DYM: variants seen among roughly 807,000 people sequenced by gnomAD.
DYM encodes dyggve-Melchior-Clausen syndrome protein.
In DYM, 78 loss-of-function variants were observed where a neutral mutation model predicts 93.1. The ratio of observed to expected loss-of-function variants is 0.84; its 90% CI spans 0.70 to 1.01. DYM has a LOEUF of 1.01. DYM is among the 50% of genes least tolerant of loss of function. The pLI is 0.00. For synonymous variants in DYM, 321 were observed against 319.7 expected, an observed-to-expected ratio of 1.00 and a Z score of -0.04; for missense variants, 789 against 845.0, an observed-to-expected ratio of 0.93 and a Z score of 0.82.
intron 14 of DYM, among the ~76,000 whole-genome samples, chr18:49,166,399 T>C (rs191212153): frequency 9.7e-4 from 147 of 152,330 alleles, no homozygotes; most frequent in Middle Eastern, 6.8e-3. Flanking sequence ...TATTAATCAC[T>C]CACTGCAATT....
At chr18:49,186,903 T>C (rs2090485561) in intron 14 of DYM, among the ~76,000 whole-genome samples, 1 of 150,576 alleles carries the variant, frequency 6.6e-6, no homozygotes, top group African/African-American at 2.4e-5. Flanking sequence ...ATATATTCAC[T>C]GCCGGTACAC....
intron 15 of DYM, among the ~76,000 whole-genome samples, chr18:49,126,964 T>C (rs1254985080): frequency 1.3e-5 from 2 of 152,214 alleles, no homozygotes; most frequent in Non-Finnish European, 2.9e-5. Context: ...CTGACTTGCA[T>C]TTATGAAATA....
At chr18:49,075,071 A>T (rs1361855687) in intron 17 of DYM, among the ~76,000 whole-genome samples, 1 of 152,170 alleles carries the variant, frequency 6.6e-6, no homozygotes, top group Non-Finnish European at 1.5e-5. Context: ...CAGAATCAGG[A>T]GGCCAGGAAA....
Position 49,077,326 on chromosome 18 carries a change from T to A in DYM, c.2025+20076A>T, listed in dbSNP as rs557411563. Among the ~76,000 whole-genome samples, 14 of 152,350 alleles carry A rather than the reference T, an allele frequency of 9.2e-5. No individual in the cohort carries two copies. In the East Asian group the frequency reaches 2.5e-3, roughly 27 times the overall value. ...CTGCTTTCTCTCTCAGTTTTGCCTT[T>A]TCTAGCTTTTATTGATTTCATCAAT... On this transcript the variant is annotated intron_variant, in intron 17 of 17. Transcript: ENST00000675505.
At chr18:49,352,533 T>C (rs2065199760) in intron 6 of DYM, among the ~76,000 whole-genome samples, 1 of 152,148 alleles carries the variant, frequency 6.6e-6, no homozygotes. Flanking sequence ...GGAGTTGGGA[T>C]ACAGACTGAC....
chr18:49,222,177 C>T (rs1161581019), intron 13 of DYM, among the ~76,000 whole-genome samples: 11 of 151,770 alleles, frequency 7.2e-5, no homozygotes, highest in African/African-American at 1.9e-4. Flanking sequence ...TACACATACA[C>T]GGAACAGAAT....
chr18:49,407,313 A>G (rs1241354356), intron 2 of DYM, among the ~76,000 whole-genome samples: 3 of 152,198 alleles, frequency 2.0e-5, no homozygotes, highest in Non-Finnish European at 4.4e-5. Flanking sequence ...AAACACATAA[A>G]TGAATGCACG....
chr18:49,446,773 G>C (rs780125376), intron 1 of DYM, among the ~76,000 whole-genome samples: 3 of 151,940 alleles, frequency 2.0e-5, no homozygotes, highest in East Asian at 1.9e-4. Flanking sequence ...TAAAAGTTAA[G>C]ACCAGCTGGG....
intron 13 of DYM, among the ~76,000 whole-genome samples, chr18:49,234,791 G>C (rs2093811440): frequency 6.6e-6 from 1 of 152,196 alleles, no homozygotes; most frequent in Non-Finnish European, 1.5e-5. Flanking sequence ...CTAATCATAT[G>C]ATCCCTTAAA....
At chr18:49,070,235 T>G (rs1416054737) in intron 17 of DYM, among the ~76,000 whole-genome samples, 1 of 152,230 alleles carries the variant, frequency 6.6e-6, no homozygotes, top group African/African-American at 2.4e-5. Flanking sequence ...TAACATTGGC[T>G]AACAGTTACT....
rs1412456428 is a variant in DYM at position 49,038,314 on chromosome 18, T to G, written c.*5741A>C. Among the ~76,000 whole-genome samples, 1 of 152,254 alleles carries G rather than the reference T, an allele frequency of 6.6e-6. No homozygotes were observed. Among genetic ancestry groups the G allele is most frequent in the African/African-American group, 2.4e-5 (1 of 41,472 alleles). ...AAATAGGCATGTTAAAATATCACTCTGGTTGCATATTTGTCTAAATTTCCT... is the reference window on the plus strand; with the variant it reads ...AAATAGGCATGTTAAAATATCACTCGGGTTGCATATTTGTCTAAATTTCCT... On this transcript the variant is annotated 3_prime_UTR_variant, in exon 18 of 18. Coordinates refer to ENST00000675505, the MANE Select transcript of DYM (RefSeq NM_001353214.3).
chr18:49,042,301 TCACCTCTGGGACCC>T lies in DYM; in HGVS notation c.*1740_*1753del, dbSNP rs1453163637. ...CTTGGGGACAGGAGGCAAGCTGCACTCACCTCTGGGACCCCACCCGGGATGGGCGCTCCACGAGT... is the reference window on the plus strand; with the variant it reads ...CTTGGGGACAGGAGGCAAGCTGCACTCACCCGGGATGGGCGCTCCACGAGT... On this transcript the variant is annotated 3_prime_UTR_variant, in exon 18 of 18. Transcript: ENST00000675505. 1 of 152,746 alleles carries T rather than the reference TCACCTCTGGGACCC, an allele frequency of 6.5e-6. No homozygotes were observed. The highest frequency in any genetic ancestry group is 1.5e-5 in the Non-Finnish European group (1 of 68,178). 9.5% of individuals were successfully genotyped at this position (152,746 alleles called of 1,614,324 possible).
At chr18:49,157,238 C>T (rs897693157) in intron 15 of DYM, among the ~76,000 whole-genome samples, 1 of 152,124 alleles carries the variant, frequency 6.6e-6, no homozygotes, top group Admixed American at 6.5e-5. Flanking sequence ...GTTGTGATCT[C>T]TACCTCTCCA....
chr18:49,060,729 G>C (rs2075907468), intron 17 of DYM, among the ~76,000 whole-genome samples: 1 of 115,808 alleles, frequency 8.6e-6, no homozygotes, highest in Non-Finnish European at 1.9e-5. Flanking sequence ...TGGGGGGAGA[G>C]AGGGAGAGGG....
At chr18:49,050,035 G>C (rs899068120) in intron 17 of DYM, among the ~76,000 whole-genome samples, 21 of 151,746 alleles carry the variant, frequency 1.4e-4, no homozygotes, top group African/African-American at 5.1e-4. Context: ...GATTGGCCCT[G>C]GAGTGGGTTT....
chr18:49,252,238 A>AAAAAAAAAAAAAAAAAAAAC (rs1195457417), intron 13 of DYM, among the ~76,000 whole-genome samples: 2 of 147,804 alleles, frequency 1.4e-5, no homozygotes, highest in Admixed American at 6.8e-5. Flanking sequence ...AAAAAAAAAA[A>AAAAAAAAAAAAAAAAAAAAC]AAAAGAACTG....
intron 5 of DYM, among the ~76,000 whole-genome samples, chr18:49,370,187 A>C (rs757659200): frequency 2.0e-5 from 3 of 151,110 alleles, no homozygotes; most frequent in African/African-American, 4.9e-5. Context: ...CTGAGGCAGG[A>C]GAATTGCATG....
intron 2 of DYM, among the ~76,000 whole-genome samples, chr18:49,405,430 A>G (rs558309646): frequency 7.2e-5 from 11 of 152,278 alleles, no homozygotes; most frequent in Admixed American, 5.9e-4. Flanking sequence ...TATATGGTGA[A>G]AGGTAGTGGT....
intron 6 of DYM, 141 bp downstream of exon 6, chr18:49,363,020 A>T (rs1020715142): frequency 7.2e-6 from 5 of 697,978 alleles, no homozygotes; most frequent in Non-Finnish European, 1.3e-5. Context: ...AGGTAGAGAG[A>T]AAAGAACTCT....
Sources: gnomAD v4.1 joint callset for allele counts (sites outside exome capture counted in the v4.1 genomes callset) on GRCh38, gnomAD v4.1.1 for gene constraint, MANE v1.5 for transcripts, NCBI Gene and HGNC (gene_info 2026-07-23, HGNC 2026-07-21) for gene names.